The following VGLL4 variants were observed in gnomAD, a reference collection of about 807,000 sequenced individuals.
VGLL4 encodes the protein vestigial like family member 4.
VGLL4 carries 7 observed loss-of-function variants against 21.0 expected under a neutral mutation model. That is an observed-to-expected ratio of 0.33 (90% CI 0.19 to 0.63). VGLL4 has a LOEUF of 0.63. Ranked by LOEUF, VGLL4 falls within the 20% of genes least tolerant of loss-of-function variation. VGLL4 has a pLI of 0.78. For synonymous variants in VGLL4, 222 were observed against 173.2 expected (o/e 1.28, Z -2.21); for missense variants, 394 against 425.7 (o/e 0.93, Z 0.66).
At chr3:11,624,381 A>G (rs1461334700) in intron 1 of VGLL4, among the ~76,000 whole-genome samples, 1 of 152,174 alleles carries the variant, frequency 6.6e-6, no homozygotes, top group African/African-American at 2.4e-5. Context: ...ACTCACATCC[A>G]CTCAGGAAAT....
At chr3:11,650,982 T>G (rs1482646741) in intron 2 of VGLL4, among the ~76,000 whole-genome samples, 1 of 152,178 alleles carries the variant, frequency 6.6e-6, no homozygotes, top group Non-Finnish European at 1.5e-5. Flanking sequence ...ACTACACTGG[T>G]CAACACATTT....
chr3:11,589,769 T>C lies in VGLL4; in HGVS notation c.272+12064A>G, dbSNP rs116946112. ...TCCCGGCCTAGAGACAGCCGCCTTCTTGCTGTGTCCTTATGTGGTGGGGAG... is the reference window on the plus strand; with the variant it reads ...TCCCGGCCTAGAGACAGCCGCCTTCCTGCTGTGTCCTTATGTGGTGGGGAG... On this transcript the variant is annotated intron_variant, in intron 2 of 4. Transcript: ENST00000430365. Among the ~76,000 whole-genome samples the C allele has an allele frequency of 6.2e-3, 947 of 152,330 alleles. 27 individuals carry two copies. The East Asian group carries it at 0.065, about 10-fold the overall frequency.
At chr3:11,646,803 C>T (rs544346269), upstream of VGLL4, among the ~76,000 whole-genome samples, 4 of 152,266 alleles carry the variant, frequency 2.6e-5, no homozygotes, top group East Asian at 1.9e-4. Flanking sequence ...CATTCCCAGC[C>T]ACAGCCACCA....
chr3:11,638,988 C>T (rs55881881), intron 1 of VGLL4, among the ~76,000 whole-genome samples: 318 of 152,326 alleles, frequency 2.1e-3, no homozygotes, highest in African/African-American at 7.1e-3. Flanking sequence ...AGCTTGAAGT[C>T]GGAATAATTC....
chr3:11,565,451 C>CACTGCTCAGCCCATCTTCCTCACAGT lies in VGLL4; in HGVS notation c.273-458_273-433dup. ...AGGGCCCTATTCAAAGCCTCCACAG[C>CACTGCTCAGCCCATCTTCCTCACAGT]ACTGCTCAGCCCATCTTCCTCACAG... is the stretch of plus-strand genomic sequence containing the variant. On this transcript the variant is annotated intron_variant, in intron 2 of 4. Coordinates refer to ENST00000430365, the MANE Select transcript of VGLL4 (RefSeq NM_001128219.3). This position sits in a 1 kb window ranked among gnomAD's most constrained non-coding sequence, Gnocchi z 4.1. 6.6e-6 allele frequency among the ~76,000 whole-genome samples: 1 copy of CACTGCTCAGCCCATCTTCCTCACAGT among 152,166 alleles called. No homozygotes were observed. Among genetic ancestry groups the CACTGCTCAGCCCATCTTCCTCACAGT allele is most frequent in the South Asian group, 2.1e-4 (1 of 4,834 alleles).
At chr3:11,627,908 T>A (rs1575469479) in intron 1 of VGLL4, among the ~76,000 whole-genome samples, 1 of 152,318 alleles carries the variant, frequency 6.6e-6, no homozygotes, top group East Asian at 1.9e-4. Flanking sequence ...AAAAGTTACT[T>A]TAGATAGGAG....
upstream of VGLL4, among the ~76,000 whole-genome samples, chr3:11,645,513 C>A (rs1270859402): frequency 1.0e-5 from 1 of 98,740 alleles, no homozygotes; most frequent in African/African-American, 3.9e-5. Context: ...TGGCGTGAAC[C>A]CGGGAAGCGG....
At chr3:11,636,883 G>C (rs2075598175) in intron 1 of VGLL4, among the ~76,000 whole-genome samples, 3 of 152,180 alleles carry the variant, frequency 2.0e-5, no homozygotes, top group African/African-American at 7.2e-5. Context: ...AGGGAAGCTG[G>C]GACATATATT....
Position 11,598,634 on chromosome 3 carries a change from A to C in VGLL4, c.272+3199T>G, listed in dbSNP as rs1284464622. Among the ~76,000 whole-genome samples, 3 of 151,858 alleles carry C rather than the reference A, an allele frequency of 2.0e-5. No individual in the cohort carries two copies. In the East Asian group the frequency reaches 5.8e-4, roughly 29 times the overall value. On this transcript the variant is annotated intron_variant, in intron 2 of 4. Coordinates refer to ENST00000430365, the MANE Select transcript of VGLL4 (RefSeq NM_001128219.3). ...CCTCCCAAGTAGCTGGGAGCAAAGG[A>C]ACACTCCACCAGGCCAAGCTAATTT...
intron 2 of VGLL4, among the ~76,000 whole-genome samples, chr3:11,697,997 A>G (rs1388990295): frequency 6.6e-6 from 1 of 152,246 alleles, no homozygotes; most frequent in Non-Finnish European, 1.5e-5. Flanking sequence ...CAAAACCCTC[A>G]AAGTTTTAAT....
chr3:11,585,444 AAAGAG>A (rs1305707613), intron 2 of VGLL4, among the ~76,000 whole-genome samples: 19 of 151,090 alleles, frequency 1.3e-4, no homozygotes, highest in African/African-American at 4.4e-4. Flanking sequence ...AAAAAAAAAA[AAAGAG>A]AGAGAGAGAG....
intron 1 of VGLL4, among the ~76,000 whole-genome samples, chr3:11,720,057 GCA>G (rs934664533): frequency 5.3e-5 from 8 of 151,730 alleles, no homozygotes; most frequent in Non-Finnish European, 7.4e-5. Context: ...CCCCACGCGC[GCA>G]CAGTAGGTCC....
At chr3:11,721,163 T>A (rs2076990205), upstream of VGLL4, 1 of 152,010 alleles carries the variant, frequency 6.6e-6, no homozygotes, top group Non-Finnish European at 1.5e-5. Context: ...AAGGGAATGA[T>A]AACAATGAAA....
chr3:11,694,678 C>CT (rs570558579), intron 2 of VGLL4, among the ~76,000 whole-genome samples: 2 of 151,486 alleles, frequency 1.3e-5, no homozygotes, highest in East Asian at 3.9e-4. Context: ...GGCATTTGCA[C>CT]TAAGAAATAG....
Position 11,640,950 on chromosome 3 carries a change from C to G in VGLL4, c.82+2487G>C, listed in dbSNP as rs541957386. On this transcript the variant is annotated intron_variant, in intron 1 of 4. Coordinates refer to ENST00000430365, the MANE Select transcript of VGLL4 (RefSeq NM_001128219.3). ...CTGCCCAACATGGTGAAACCCATCT[C>G]TATTAAAAATACAAAAATGGGCCGG... Among the ~76,000 whole-genome samples, 18 of 152,018 alleles carry G rather than the reference C, an allele frequency of 1.2e-4. 1 individual carries two copies. Among genetic ancestry groups the G allele is most frequent in the Admixed American group, 9.8e-4 (15 of 15,270 alleles).
intron 1 of VGLL4, among the ~76,000 whole-genome samples, chr3:11,707,101 A>G (rs2076771193): frequency 6.6e-6 from 1 of 151,778 alleles, no homozygotes. Context: ...TAATTGCTTG[A>G]GCTCAGCAGT....
At chr3:11,683,340 T>A (rs990923136) in intron 2 of VGLL4, among the ~76,000 whole-genome samples, 2 of 152,150 alleles carry the variant, frequency 1.3e-5, no homozygotes, top group African/African-American at 4.8e-5. Flanking sequence ...GGTGGGATAA[T>A]AAATTAGTAC....
At chr3:11,587,424 C>T (rs1227171546) in intron 2 of VGLL4, among the ~76,000 whole-genome samples, 1 of 152,142 alleles carries the variant, frequency 6.6e-6, no homozygotes, top group African/African-American at 2.4e-5. Flanking sequence ...AAGCCAACGG[C>T]CTAAGACAAA....
chr3:11,708,461 C>T (rs548865697), intron 1 of VGLL4, among the ~76,000 whole-genome samples: 15 of 152,284 alleles, frequency 9.9e-5, no homozygotes. Flanking sequence ...ATGTGGGGGG[C>T]GGCCAGGGTG....
Sources: gnomAD v4.1 joint callset for allele counts (sites outside exome capture counted in the v4.1 genomes callset) on GRCh38, gnomAD v4.1.1 for gene constraint, Gnocchi (gnomAD v3.1) non-coding constraint, MANE v1.5 for transcripts, NCBI Gene and HGNC (gene_info 2026-07-23, HGNC 2026-07-21) for gene names.